The following MEGF6 variants were observed in gnomAD, a reference collection of about 807,000 sequenced individuals.
MEGF6 encodes the protein multiple epidermal growth factor-like domains protein 6.
A neutral mutation model predicts 207.1 loss-of-function variants in MEGF6; 184 were observed. The observed-to-expected ratio is 0.89, with a 90% CI of 0.79 to 1.00. The LOEUF (loss-of-function observed/expected upper bound fraction) is 1.00, where lower values mean the gene tolerates loss of function less well. MEGF6 is among the 50% of genes least tolerant of loss of function. The pLI is 0.00. For missense variants in MEGF6, 2,282 were observed against 2,202.9 expected (o/e 1.04, Z -0.72); for synonymous variants, 1,038 against 910.0 (o/e 1.14, Z -2.53).
rs1640650629 is a variant in MEGF6 at position 3,497,268 on chromosome 1, C to G, written c.3446G>C (p.Cys1149Ser). Residue 1149 changes from cysteine to serine, a missense_variant, in exon 27 of 37, where the codon TGT becomes TCT. By Grantham distance (112) the Cys-to-Ser change is moderately radical (BLOSUM62 -1). Coordinates refer to ENST00000356575, the MANE Select transcript of MEGF6 (RefSeq NM_001409.4). ...ACHHVTGACR[C>S]PPGFTGSGCE... ...GCCGGAGCCAGTGAAGCCAGGGGGA[C>G]AGCGGCAGGCCCCAGTGACGTGGTG... The G allele has an allele frequency of 7.1e-6, 11 of 1,546,208 alleles. No individual in the cohort carries two copies. Among genetic ancestry groups the G allele is most frequent in the East Asian group, 2.3e-5 (1 of 43,978 alleles).
intron 3 of MEGF6, among the ~76,000 whole-genome samples, chr1:3,589,169 G>A (rs925285025): frequency 5.3e-5 from 8 of 152,144 alleles, no homozygotes; most frequent in African/African-American, 9.7e-5. Context: ...GGAACGAGGC[G>A]TCTACAACCA....
At chr1:3,540,171 C>A (rs538747257) in intron 4 of MEGF6, among the ~76,000 whole-genome samples, 1 of 152,356 alleles carries the variant, frequency 6.6e-6, no homozygotes, top group South Asian at 2.1e-4. Flanking sequence ...ACCGCTGACG[C>A]TGAAGGCTAT....
intron 2 of MEGF6, among the ~76,000 whole-genome samples, chr1:3,600,966 G>A (rs1326217524): frequency 2.0e-5 from 3 of 152,180 alleles, no homozygotes; most frequent in Non-Finnish European, 4.4e-5. Flanking sequence ...TCGGGAGGGA[G>A]GGTTGGTGAA....
intron 1 of MEGF6, among the ~76,000 whole-genome samples, chr1:3,608,161 C>G (rs920803391): frequency 6.6e-6 from 1 of 152,130 alleles, no homozygotes; most frequent in Non-Finnish European, 1.5e-5. Context: ...CTTCCCAGGG[C>G]CCCATGCAGC....
At chr1:3,506,389 C>T (rs1055747748) in intron 14 of MEGF6, among the ~76,000 whole-genome samples, 153 bp from the exon 15 acceptor site, 3 of 152,062 alleles carry the variant, frequency 2.0e-5, no homozygotes, top group East Asian at 3.9e-4. Flanking sequence ...CGGATGTGGC[C>T]GTCTGCCCTG....
intron 26 of MEGF6, 110 bp from the exon 27 acceptor site, chr1:3,497,471 G>T: frequency 7.6e-7 from 1 of 1,309,222 alleles, no homozygotes; most frequent in Non-Finnish European, 1.0e-6. Context: ...AATGCTGGCT[G>T]AACTGGGGGC....
Position 3,611,158 on chromosome 1 carries a change from C to T in MEGF6, c.111G>A (p.Leu37=). The part of the protein sequence containing the change: ...PVGASVPPRP[L]LPLQPGMPHV... ...CTCACATGCCGGGCTGCAGCGGGAG[C>T]AGGGGCCGCGGCGGAACGCTGGCGC... Residue 37 remains leucine, a synonymous_variant, in exon 1 of 37, where the codon CTG becomes CTA. Transcript: ENST00000356575. 1.3e-6 allele frequency: 2 copies of T among 1,531,228 alleles called. No individual in the cohort carries two copies. Among genetic ancestry groups the T allele is most frequent in the Admixed American group, 1.9e-5 (1 of 51,336 alleles). The allele number at this position is 1,531,228 out of a possible 1,614,324, so 94.9% of individuals were successfully genotyped here.
intron 7 of MEGF6, among the ~76,000 whole-genome samples, chr1:3,512,843 G>A (rs988745342): frequency 3.9e-5 from 6 of 152,192 alleles, no homozygotes; most frequent in Admixed American, 3.9e-4. Flanking sequence ...ACCACTGCCT[G>A]GTCTGGACAC....
chr1:3,537,751 G>A lies in MEGF6; in HGVS notation c.482-13505C>T, dbSNP rs199970848. Among the ~76,000 whole-genome samples, 16 of 152,328 alleles carry A rather than the reference G, an allele frequency of 1.1e-4. No homozygotes were observed. The East Asian group carries it at 3.1e-3, about 29-fold the overall frequency. On this transcript the variant is annotated intron_variant, in intron 4 of 36. Transcript: ENST00000356575. ...GCCCTGGGCACACGCATTGGTAAGG[G>A]GACCTGGCCTGGGGTCTGGATGGGA...
rs933224448 is a variant in MEGF6, at chr1:3,602,730, G to C, written c.132-130C>G. 1.1e-5 allele frequency: 15 copies of C among 1,334,278 alleles called. No individual in the cohort carries two copies. The African/African-American group carries it at 1.5e-4, about 13-fold the overall frequency. The allele number at this position is 1,334,278 out of a possible 1,614,324, so 82.7% of individuals were successfully genotyped here. The stretch of plus-strand genomic sequence containing the variant: ...CCAGACCCGTGGCCAGGCCTCCACG[G>C]CACAGTGCCCATGCCAGTGCCCCAG... On this transcript the variant is annotated intron_variant, in intron 1 of 36. Coordinates refer to ENST00000356575, the MANE Select transcript of MEGF6 (RefSeq NM_001409.4).
chr1:3,515,592 C>T, intron 5 of MEGF6, 65 bp from the exon 6 acceptor site: 1 of 1,576,416 alleles, frequency 6.3e-7, no homozygotes, highest in Non-Finnish European at 8.6e-7. Context: ...CTGTCCCTGG[C>T]TGGCATGGAG....
At position 3,508,833 on chromosome 1, in the gene MEGF6, C is replaced by T. The variant is rs566017709; in HGVS notation, c.1529-144G>A. ...GGGCCCCCAAAGGGTGACATGGGGA[C>T]AGATGCTGGGGCCAGAAGGAGCCCT... On this transcript the variant is annotated intron_variant, in intron 12 of 36. Coordinates refer to ENST00000356575, the MANE Select transcript of MEGF6 (RefSeq NM_001409.4). 905 of 1,172,214 alleles carry T rather than the reference C, an allele frequency of 7.7e-4. 1 individual carries two copies. The highest frequency in any genetic ancestry group is 1.0e-3 in the Non-Finnish European group (849 of 840,438). 72.6% of individuals were successfully genotyped at this position (1,172,214 alleles called of 1,614,324 possible).
At chr1:3,526,997 C>T (rs557283733) in intron 4 of MEGF6, among the ~76,000 whole-genome samples, 13 of 152,328 alleles carry the variant, frequency 8.5e-5, no homozygotes, top group Admixed American at 2.0e-4. Flanking sequence ...AAAGACAAGT[C>T]CTCGACCGTG....
intron 9 of MEGF6, among the ~76,000 whole-genome samples, chr1:3,511,268 C>T (rs1433543261): frequency 3.3e-5 from 5 of 152,318 alleles, no homozygotes; most frequent in Middle Eastern, 3.4e-3. Flanking sequence ...GGGTCCTTCC[C>T]AGGTGAAGGG....
intron 4 of MEGF6, among the ~76,000 whole-genome samples, chr1:3,540,623 A>G (rs1642485773): frequency 6.6e-6 from 1 of 152,196 alleles, no homozygotes; most frequent in African/African-American, 2.4e-5. Flanking sequence ...AAACCCCTGG[A>G]TGTATGTCTT....
Position 3,505,236 on chromosome 1 carries a change from A to G in MEGF6, c.2160T>C (p.Ala720=), listed in dbSNP as rs1355357665. Reference sequence around the variant, plus strand: ...GGCCACAGTCCTCTCCCTGGAAGCCAGCAGGACACCGCTTCCCACACTCGC... The same window carrying G: ...GGCCACAGTCCTCTCCCTGGAAGCCGGCAGGACACCGCTTCCCACACTCGC... ...VSGECGKRCP[A]GFQGEDCGQE... Residue 720 remains alanine, a synonymous_variant, in exon 17 of 37, where the codon GCT becomes GCC. Transcript: ENST00000356575. The G allele has an allele frequency of 6.2e-7, 1 of 1,612,036 alleles. No homozygotes were observed. The highest frequency in any genetic ancestry group is 8.5e-7 in the Non-Finnish European group (1 of 1,179,604).
chr1:3,622,090 T>C, the MEGF6 span, among the ~76,000 whole-genome samples: 1 of 152,156 alleles, frequency 6.6e-6, no homozygotes, highest in Non-Finnish European at 1.5e-5. Context: ...TGGGGGACTG[T>C]TGGGAGGGCA....
At chr1:3,537,671 C>T (rs973733630) in intron 4 of MEGF6, among the ~76,000 whole-genome samples, 1 of 152,226 alleles carries the variant, frequency 6.6e-6, no homozygotes, top group Non-Finnish European at 1.5e-5. Flanking sequence ...GCATCACTTC[C>T]GGCCATGACA....
chr1:3,609,315 AG>A (rs1644294652), intron 1 of MEGF6, among the ~76,000 whole-genome samples: 1 of 152,190 alleles, frequency 6.6e-6, no homozygotes, highest in Admixed American at 6.5e-5. Flanking sequence ...TCCAGGGTCC[AG>A]CGCAGGGTCC....
Sources: gnomAD v4.1 joint callset for allele counts (sites outside exome capture counted in the v4.1 genomes callset) on GRCh38, gnomAD v4.1.1 for gene constraint, MANE v1.5 for transcripts, NCBI Gene and HGNC (gene_info 2026-07-23, HGNC 2026-07-21) for gene names.